The following FRK variants were observed in gnomAD, a reference collection of about 807,000 sequenced individuals.
FRK encodes tyrosine-protein kinase FRK.
FRK carries 51 observed loss-of-function variants against 56.4 expected under a neutral mutation model. The ratio of observed to expected loss-of-function variants is 0.90; its 90% CI spans 0.72 to 1.14. The LOEUF (loss-of-function observed/expected upper bound fraction) is 1.14, where lower values mean the gene tolerates loss of function less well. Among genes scored for constraint, FRK ranks in the 50% most tolerant of loss-of-function variants. FRK has a pLI of 0.00. For synonymous variants in FRK, 245 were observed against 217.9 expected (o/e 1.12, Z -1.10); for missense variants, 570 against 601.4 (o/e 0.95, Z 0.55).
chr6:116,002,937 T>C (rs956525628), intron 2 of FRK, among the ~76,000 whole-genome samples: 1 of 152,166 alleles, frequency 6.6e-6, no homozygotes, highest in Non-Finnish European at 1.5e-5. Context: ...AAGTTCCCAA[T>C]ATATGTGGAA....
chr6:115,942,130 A>G lies in FRK; in HGVS notation c.*284T>C, dbSNP rs1772210043. On this transcript the variant is annotated 3_prime_UTR_variant, in exon 8 of 8. Coordinates refer to ENST00000606080, the MANE Select transcript of FRK (RefSeq NM_002031.3). ...ATTCTCTTGATCGACATTTCAAACAATAAATGGAAATGTAAGTATCTCTTA... is the reference window on the plus strand; with the variant it reads ...ATTCTCTTGATCGACATTTCAAACAGTAAATGGAAATGTAAGTATCTCTTA... The G allele has an allele frequency of 1.0e-5, 3 of 288,420 alleles. No homozygotes were observed. The highest frequency in any genetic ancestry group is 4.9e-5 in the Admixed American group (1 of 20,430). The allele number at this position is 288,420 out of a possible 1,614,324, so 17.9% of individuals were successfully genotyped here.
At chr6:116,072,024 G>T in the FRK span, among the ~76,000 whole-genome samples, 1 of 152,132 alleles carries the variant, frequency 6.6e-6, no homozygotes, top group Admixed American at 6.5e-5. Context: ...TGCTGTTGAG[G>T]ATGTAGTCAT....
chr6:116,041,980 C>A (rs1776734410), intron 1 of FRK, among the ~76,000 whole-genome samples: 1 of 152,210 alleles, frequency 6.6e-6, no homozygotes, highest in African/African-American at 2.4e-5. Context: ...CGGAGCCCAG[C>A]AAGCTAAGAT....
intron 1 of FRK, among the ~76,000 whole-genome samples, chr6:116,036,449 T>C (rs562322633): frequency 8.5e-5 from 13 of 152,292 alleles, no homozygotes; most frequent in Admixed American, 2.0e-4. Context: ...TAATGTTACA[T>C]TGATAACAGA....
intron 2 of FRK, among the ~76,000 whole-genome samples, chr6:116,000,949 T>C (rs1419125508): frequency 1.3e-5 from 2 of 152,174 alleles, no homozygotes; most frequent in Non-Finnish European, 2.9e-5. Context: ...ATAAGAAATA[T>C]GGAGCTTGGG....
At chr6:116,064,003 A>C (rs941876606), upstream of FRK, among the ~76,000 whole-genome samples, 3 of 152,200 alleles carry the variant, frequency 2.0e-5, no homozygotes, top group African/African-American at 7.2e-5. Flanking sequence ...AAAATATCTG[A>C]TATTATTCTT....
intron 1 of FRK, among the ~76,000 whole-genome samples, chr6:116,038,161 C>T (rs1280356244): frequency 6.6e-6 from 1 of 152,176 alleles, no homozygotes; most frequent in African/African-American, 2.4e-5. Context: ...GGCCAACATT[C>T]ATTAATTACA....
intron 4 of FRK, among the ~76,000 whole-genome samples, chr6:115,961,207 G>A (rs1169755925): frequency 2.1e-5 from 2 of 94,460 alleles, no homozygotes; most frequent in Non-Finnish European, 4.1e-5. Flanking sequence ...TAAAGGAGCT[G>A]ATGGAGCTGA....
chr6:115,957,681 A>G (rs1773062816), intron 4 of FRK, among the ~76,000 whole-genome samples: 2 of 152,212 alleles, frequency 1.3e-5, no homozygotes, highest in African/African-American at 4.8e-5. Flanking sequence ...TGACCTGCAC[A>G]TCATTTCACA....
At chr6:115,994,520 TC>T (rs1315677865) in intron 2 of FRK, among the ~76,000 whole-genome samples, 5 of 151,984 alleles carry the variant, frequency 3.3e-5, no homozygotes, top group African/African-American at 1.2e-4. Flanking sequence ...AAATATTCAA[TC>T]CCTATGATTT....
chr6:115,958,728 A>T (rs1447596816), intron 4 of FRK, among the ~76,000 whole-genome samples: 1 of 31,860 alleles, frequency 3.1e-5, no homozygotes, highest in African/African-American at 1.1e-4. Flanking sequence ...AGAAAGAAAG[A>T]AAGAAAGAAA....
chr6:116,096,856 C>G, the FRK span, among the ~76,000 whole-genome samples: 1 of 152,200 alleles, frequency 6.6e-6, no homozygotes, highest in Non-Finnish European at 1.5e-5. Flanking sequence ...TGGGTCCATG[C>G]CACCTTTAAG....
chr6:115,988,564 T>A (rs1774472465), intron 2 of FRK, among the ~76,000 whole-genome samples: 1 of 152,006 alleles, frequency 6.6e-6, no homozygotes, highest in South Asian at 2.1e-4. Context: ...AAACCTTCTA[T>A]GTTTTGTCTA....
intron 1 of FRK, among the ~76,000 whole-genome samples, chr6:116,005,113 T>C (rs775458621): frequency 4.6e-5 from 7 of 152,112 alleles, no homozygotes; most frequent in Admixed American, 2.6e-4. Flanking sequence ...GGGGAAGGAA[T>C]TGAAAAGAGA....
chr6:116,033,399 G>C (rs186480911), intron 1 of FRK, among the ~76,000 whole-genome samples: 1 of 152,212 alleles, frequency 6.6e-6, no homozygotes, highest in Non-Finnish European at 1.5e-5. Flanking sequence ...CCATAGATCA[G>C]TGGTTCAGGA....
the FRK span, among the ~76,000 whole-genome samples, chr6:116,072,997 A>T: frequency 5.9e-5 from 9 of 152,162 alleles, no homozygotes; most frequent in South Asian, 2.1e-4. Context: ...AATTTTAAAA[A>T]TTTTTTATGT....
intron 2 of FRK, among the ~76,000 whole-genome samples, chr6:115,977,874 T>C (rs1190496389): frequency 6.6e-6 from 1 of 152,182 alleles, no homozygotes; most frequent in Non-Finnish European, 1.5e-5. Context: ...CAGTACAGTA[T>C]GTCAATTTTA....
chr6:115,977,309 G>A (rs1774024903), intron 2 of FRK, among the ~76,000 whole-genome samples: 1 of 152,116 alleles, frequency 6.6e-6, no homozygotes, highest in Non-Finnish European at 1.5e-5. Flanking sequence ...TTATTAAAGT[G>A]CCATCACGTA....
chr6:116,038,916 C>A, intron 1 of FRK: 1 of 622,766 alleles, frequency 1.6e-6, no homozygotes, highest in Non-Finnish European at 3.1e-6. Flanking sequence ...GCCCCAGAAG[C>A]TAGAGCCCAA....
Sources: allele counts gnomAD v4.1 joint callset (sites outside exome capture counted in the v4.1 genomes callset), GRCh38; gene constraint gnomAD v4.1.1; transcripts MANE v1.5; gene names NCBI Gene and HGNC (gene_info 2026-07-23, HGNC 2026-07-21).